The following CDH8 variants were observed in gnomAD, a reference collection of about 807,000 sequenced individuals.
CDH8 encodes the protein cadherin-8.
A neutral mutation model predicts 68.1 loss-of-function variants in CDH8; 17 were observed. The ratio of observed to expected loss-of-function variants is 0.25; its 90% CI spans 0.17 to 0.37. The LOEUF (loss-of-function observed/expected upper bound fraction) is 0.37, where lower values mean the gene tolerates loss of function less well. Among genes scored for constraint, CDH8 ranks in the 10% least tolerant of loss-of-function variants. CDH8 has a pLI of 1.00. For missense variants in CDH8, 763 were observed against 999.3 expected (o/e 0.76, Z 3.19); for synonymous variants, 372 against 365.1 (o/e 1.02, Z -0.21).
chr16:61,906,999 CA>C (rs1367657153), intron 2 of CDH8, among the ~76,000 whole-genome samples: 1 of 152,152 alleles, frequency 6.6e-6, no homozygotes, highest in Non-Finnish European at 1.5e-5. Context: ...TCACTGCTTT[CA>C]AAATCAGAGT....
chr16:61,964,378 C>G (rs1965211104), intron 2 of CDH8, among the ~76,000 whole-genome samples: 1 of 152,180 alleles, frequency 6.6e-6, no homozygotes. Flanking sequence ...GACACACTCT[C>G]ACACACATCC....
At chr16:61,772,430 C>T (rs898993399) in intron 8 of CDH8, among the ~76,000 whole-genome samples, 1 of 152,000 alleles carries the variant, frequency 6.6e-6, no homozygotes, top group African/African-American at 2.4e-5. Context: ...TCCAATGAGG[C>T]TGAGCTCTGG....
chr16:61,820,953 G>A lies in CDH8; in HGVS notation c.996C>T (p.Ala332=), dbSNP rs1319324066. The change falls in exon 6 of 12, where the codon GCC becomes GCT. Residue 332 remains alanine (A), a synonymous_variant. Transcript: ENST00000577390. ...TTCTTAGCCTTATAATGCCATCCTG[G>A]GCCTGGGCATCAGAAGTGATTTCAA... The part of the protein sequence containing the change: ...ALFEITSDAQ[A]QDGIIRLRKP... The A allele has an allele frequency of 1.2e-5, 19 of 1,611,902 alleles. No homozygotes were observed. Among genetic ancestry groups the A allele is most frequent in the Non-Finnish European group, 1.4e-5 (17 of 1,178,718 alleles).
rs1016725780 is a variant in CDH8, at chr16:61,710,696, A to G, written c.1654+3145T>C. ...ACATGATTTAAAAATTGCGGTATAA[A>G]CCATGAGGGCTCCCATTTCACCAGA... On this transcript the variant is annotated intron_variant, in intron 10 of 11. Coordinates refer to ENST00000577390, the MANE Select transcript of CDH8 (RefSeq NM_001796.5). 5.4e-4 allele frequency: 82 copies of G among 152,148 alleles called. 1 individual carries two copies. The highest frequency in any genetic ancestry group is 1.9e-3 in the African/African-American group (80 of 41,548). The allele number at this position is 152,148 out of a possible 1,614,324, so 9.4% of individuals were successfully genotyped here.
intron 10 of CDH8, among the ~76,000 whole-genome samples, chr16:61,668,883 T>A (rs780174524): frequency 6.6e-6 from 1 of 152,066 alleles, no homozygotes; most frequent in Non-Finnish European, 1.5e-5. Flanking sequence ...CTTGAGCTTA[T>A]AAATGTGTGC....
At chr16:61,916,763 C>T (rs986706552) in intron 2 of CDH8, among the ~76,000 whole-genome samples, 5 of 152,172 alleles carry the variant, frequency 3.3e-5, no homozygotes, top group Non-Finnish European at 5.9e-5. Flanking sequence ...TATCTGCTTT[C>T]TGCCATATTA....
chr16:61,653,737 G>A lies in CDH8; in HGVS notation c.2271C>T (p.Gly757=). Residue 757 remains glycine (G), a synonymous_variant, in exon 12 of 12, where the codon GGC becomes GGT. Coordinates refer to ENST00000577390, the MANE Select transcript of CDH8 (RefSeq NM_001796.5). The part of the protein sequence containing the change: ...YGYEGRGSVA[G]SLSSLESTTS... Reference sequence around the variant, plus strand: ...TGGTGGACTCCAAGGAGCTGAGGGAGCCAGCCACTGACCCTCGGCCTTCAT... The same window carrying A: ...TGGTGGACTCCAAGGAGCTGAGGGAACCAGCCACTGACCCTCGGCCTTCAT... The A allele has an allele frequency of 6.2e-7, 1 of 1,613,868 alleles. No individual in the cohort carries two copies. Among genetic ancestry groups the A allele is most frequent in the Admixed American group, 1.7e-5 (1 of 60,026 alleles).
At chr16:62,029,596 G>C (rs1385547497) in intron 1 of CDH8, among the ~76,000 whole-genome samples, 2 of 152,152 alleles carry the variant, frequency 1.3e-5, no homozygotes, top group Non-Finnish European at 2.9e-5. Flanking sequence ...TCTGCCGAGA[G>C]GACAGAGTAC....
intron 8 of CDH8, among the ~76,000 whole-genome samples, chr16:61,784,901 C>T (rs1471976325): frequency 1.3e-5 from 2 of 152,234 alleles, no homozygotes; most frequent in Non-Finnish European, 2.9e-5. Context: ...AGAACAAAGA[C>T]ACAACATACC....
At chr16:61,825,253 G>A (rs941906829) in intron 4 of CDH8, 74 bp from the exon 5 acceptor site, 14 of 1,149,872 alleles carry the variant, frequency 1.2e-5, no homozygotes, top group Non-Finnish European at 1.8e-5. Context: ...TCTCACACAT[G>A]CACACATACA....
intron 2 of CDH8, among the ~76,000 whole-genome samples, chr16:61,972,571 G>GGGTGTGTGTGTGTGTGTGTGTGTGT (rs369833002): frequency 1.5e-5 from 2 of 131,468 alleles, no homozygotes; most frequent in Admixed American, 7.9e-5. Flanking sequence ...ACACATTGTG[G>GGGTGTGTGTGTGTGTGTGTGTGTGT]GTGTGTGTGT....
chr16:61,670,376 C>A (rs1963766916), intron 10 of CDH8, among the ~76,000 whole-genome samples: 1 of 151,814 alleles, frequency 6.6e-6, no homozygotes, highest in Non-Finnish European at 1.5e-5. Context: ...ACATAATAGG[C>A]ATAAATGAAT....
intron 4 of CDH8, among the ~76,000 whole-genome samples, chr16:61,840,277 G>A (rs1195571972): frequency 1.3e-5 from 2 of 152,010 alleles, no homozygotes; most frequent in African/African-American, 4.8e-5. Flanking sequence ...GTAAAAAAAA[G>A]CATTGTAATA....
At chr16:61,783,687 G>A (rs1224140942) in intron 8 of CDH8, among the ~76,000 whole-genome samples, 4 of 150,854 alleles carry the variant, frequency 2.7e-5, no homozygotes, top group African/African-American at 9.8e-5. Context: ...CAGCCAGAGA[G>A]AAAGGTCGGG....
chr16:61,807,519 A>C (rs1961822803), intron 7 of CDH8, among the ~76,000 whole-genome samples: 1 of 152,140 alleles, frequency 6.6e-6, no homozygotes, highest in Admixed American at 6.6e-5. Context: ...CAAACAAACA[A>C]AAAATTCAGT....
At chr16:61,716,363 T>C (rs1964730265) in intron 9 of CDH8, among the ~76,000 whole-genome samples, 1 of 151,658 alleles carries the variant, frequency 6.6e-6, no homozygotes, top group Non-Finnish European at 1.5e-5. Flanking sequence ...ACCTGCCACA[T>C]CACATCTCAG....
Position 61,652,334 on chromosome 16 carries a change from G to T in CDH8, c.*1274C>A, listed in dbSNP as rs72796835. 0.035 allele frequency: 34,590 copies of T among 984,432 alleles called. 692 individuals are homozygous for T. Among genetic ancestry groups the T allele is most frequent in the Non-Finnish European group, 0.039 (32,319 of 829,158 alleles). The allele number at this position is 984,432 out of a possible 1,614,324, so 61.0% of individuals were successfully genotyped here. ...TCAGTTCCTGCTCTAAAACTGTGGG[G>T]GTAAATTGAAGCATGTTTATTGGGC... On this transcript the variant is annotated 3_prime_UTR_variant, in exon 12 of 12. Coordinates refer to ENST00000577390, the MANE Select transcript of CDH8 (RefSeq NM_001796.5).
rs544413422 is a variant in CDH8, at chr16:62,029,314, C to T, written c.-200+6766G>A. Among the ~76,000 whole-genome samples, 5 of 152,220 alleles carry T rather than the reference C, an allele frequency of 3.3e-5. No individual in the cohort carries two copies. In the East Asian group the frequency reaches 9.7e-4, roughly 29 times the overall value. On this transcript the variant is annotated intron_variant, in intron 1 of 11. Coordinates refer to ENST00000577390, the MANE Select transcript of CDH8 (RefSeq NM_001796.5). ...GCAATCTCTTGCTGTGTATGTACTT[C>T]AGTGGGGAAAATTCCAATGTTCTGT... is the stretch of plus-strand genomic sequence containing the variant.
At chr16:62,002,981 G>A (rs1463302056) in intron 2 of CDH8, among the ~76,000 whole-genome samples, 1 of 152,126 alleles carries the variant, frequency 6.6e-6, no homozygotes. Flanking sequence ...TGAACCGGAA[G>A]GCGGAACTTG....
Sources: gnomAD v4.1 joint callset for allele counts (sites outside exome capture counted in the v4.1 genomes callset) on GRCh38, gnomAD v4.1.1 for gene constraint, MANE v1.5 for transcripts, NCBI Gene and HGNC (gene_info 2026-07-23, HGNC 2026-07-21) for gene names.